Variants in SCFD2 observed in about 807,000 individuals in gnomAD.
The protein encoded by SCFD2 is sec1 family domain containing 2.
A neutral mutation model predicts 58.9 loss-of-function variants in SCFD2; 54 were observed. That is an observed-to-expected ratio of 0.92 (90% CI 0.74 to 1.15). SCFD2 has a LOEUF of 1.15. SCFD2 is among the 50% of genes most tolerant of loss of function. The probability of loss-of-function intolerance (pLI) is 0.00; values close to 1 mark genes in which losing one functional copy is unlikely to be tolerated. For missense variants in SCFD2, 805 were observed against 836.6 expected (o/e 0.96, Z 0.47); for synonymous variants, 321 against 335.9 (o/e 0.96, Z 0.49).
At chr4:53,249,646 A>G (rs1406938192) in intron 4 of SCFD2, among the ~76,000 whole-genome samples, 2 of 152,248 alleles carry the variant, frequency 1.3e-5, no homozygotes, top group South Asian at 2.1e-4. Flanking sequence ...GTGGGGGCCA[A>G]TAATCAACAT....
At chr4:53,163,266 G>T (rs1726908168) in intron 4 of SCFD2, among the ~76,000 whole-genome samples, 1 of 152,204 alleles carries the variant, frequency 6.6e-6, no homozygotes, top group Non-Finnish European at 1.5e-5. Flanking sequence ...AGGGCCCAAA[G>T]TCAAAATCAG....
At chr4:52,943,799 T>C (rs1265672320) in intron 5 of SCFD2, among the ~76,000 whole-genome samples, 6 of 152,188 alleles carry the variant, frequency 3.9e-5, no homozygotes, top group Admixed American at 3.9e-4. Flanking sequence ...GAGCTCACCA[T>C]GCAATGGCTC....
At chr4:53,301,452 T>G (rs1324192716) in intron 3 of SCFD2, among the ~76,000 whole-genome samples, 1 of 151,718 alleles carries the variant, frequency 6.6e-6, no homozygotes, top group Non-Finnish European at 1.5e-5. Flanking sequence ...ATTGAGGCAA[T>G]AATTAATAGC....
chr4:53,168,258 C>T (rs192334238), intron 4 of SCFD2, among the ~76,000 whole-genome samples: 4 of 152,260 alleles, frequency 2.6e-5, no homozygotes, highest in African/African-American at 9.6e-5. Flanking sequence ...ATTCAGGACC[C>T]CAAAGTGAGC....
intron 5 of SCFD2, among the ~76,000 whole-genome samples, chr4:52,994,009 C>G (rs1721684629): frequency 6.6e-6 from 1 of 152,220 alleles, no homozygotes; most frequent in Admixed American, 6.5e-5. Flanking sequence ...GAGGCTGGTC[C>G]CGCTCTAGAC....
chr4:53,140,392 A>AATATAT (rs1553880149), intron 5 of SCFD2, among the ~76,000 whole-genome samples: 3 of 97,496 alleles, frequency 3.1e-5, no homozygotes, highest in African/African-American at 1.3e-4. Context: ...CAAAAATGCT[A>AATATAT]ATATATATAT....
At chr4:52,887,827 C>T (rs1273441203) in intron 7 of SCFD2, among the ~76,000 whole-genome samples, 4 of 152,096 alleles carry the variant, frequency 2.6e-5, no homozygotes, top group African/African-American at 9.7e-5. Context: ...CTTACCATCC[C>T]CCAACTCCTT....
intron 3 of SCFD2, among the ~76,000 whole-genome samples, chr4:53,309,522 T>C (rs542654773): frequency 6.6e-6 from 1 of 152,096 alleles, no homozygotes; most frequent in Non-Finnish European, 1.5e-5. Context: ...CAAGGGGATG[T>C]TGGCGGTGCA....
At chr4:53,301,638 G>A (rs1229283898) in intron 3 of SCFD2, among the ~76,000 whole-genome samples, 2 of 152,090 alleles carry the variant, frequency 1.3e-5, no homozygotes, top group African/African-American at 4.8e-5. Context: ...GCCTGGCAGA[G>A]ACACAACAAA....
At chr4:53,211,357 C>T (rs1175012064) in intron 4 of SCFD2, among the ~76,000 whole-genome samples, 1 of 152,092 alleles carries the variant, frequency 6.6e-6, no homozygotes, top group African/African-American at 2.4e-5. Context: ...ATTCCCCTTC[C>T]CCCATACCTT....
At chr4:53,265,554 G>A (rs1730959004) in intron 4 of SCFD2, 2 of 152,040 alleles carry the variant, frequency 1.3e-5, no homozygotes, top group Non-Finnish European at 2.9e-5. Flanking sequence ...TATATGTGCT[G>A]CCAAAGAGAG....
intron 5 of SCFD2, among the ~76,000 whole-genome samples, chr4:52,982,793 C>A (rs1406082003): frequency 6.6e-6 from 1 of 152,108 alleles, no homozygotes; most frequent in African/African-American, 2.4e-5. Context: ...ACTCAGCAGA[C>A]CTTTAAGTTT....
chr4:53,029,266 G>A (rs1488626400), intron 5 of SCFD2, among the ~76,000 whole-genome samples: 14 of 152,080 alleles, frequency 9.2e-5, no homozygotes, highest in Admixed American at 9.2e-4. Context: ...ACAAAGGTGT[G>A]CAAAAATTGC....
intron 5 of SCFD2, among the ~76,000 whole-genome samples, chr4:52,937,470 C>A (rs533778367): frequency 7.7e-4 from 117 of 152,204 alleles, no homozygotes; most frequent in Non-Finnish European, 1.5e-3. Flanking sequence ...AGGAGAGAAG[C>A]AGACCATCTG....
intron 3 of SCFD2, among the ~76,000 whole-genome samples, chr4:53,311,820 G>T (rs1262078208): frequency 6.6e-6 from 1 of 151,954 alleles, no homozygotes; most frequent in East Asian, 1.9e-4. Flanking sequence ...ATTTTTAGTA[G>T]AGACAGGGTT....
In SCFD2 at chr4:53,366,034, G is replaced by A; in HGVS notation, c.-93C>T. 1 of 1,419,744 alleles carries A rather than the reference G, an allele frequency of 7.0e-7. No individual in the cohort carries two copies. Among genetic ancestry groups the A allele is most frequent in the South Asian group, 1.4e-5 (1 of 72,420 alleles). The allele number at this position is 1,419,744 out of a possible 1,614,324, so 87.9% of individuals were successfully genotyped here. A position where few individuals can be genotyped will look rare whatever the true frequency, so the allele number is the denominator to read the frequency against. Reference sequence around the variant, plus strand: ...AATTGGGCTCCGGGAGACTTTGACAGTCTCCACAGTACACGTGGTCGGCCT... The same window carrying A: ...AATTGGGCTCCGGGAGACTTTGACAATCTCCACAGTACACGTGGTCGGCCT... On this transcript the variant is annotated 5_prime_UTR_variant, in exon 1 of 9. Transcript: ENST00000401642.
chr4:53,301,093 T>G (rs1293258293), intron 3 of SCFD2, among the ~76,000 whole-genome samples: 2 of 151,872 alleles, frequency 1.3e-5, no homozygotes, highest in African/African-American at 4.8e-5. Context: ...AAGAAATAAC[T>G]AAGATCAGAG....
chr4:53,263,290 G>A (rs760980877), intron 4 of SCFD2, among the ~76,000 whole-genome samples: 2 of 152,090 alleles, frequency 1.3e-5, no homozygotes, highest in Non-Finnish European at 2.9e-5. Context: ...TTGCTGGTAA[G>A]CTAATGTGAT....
chr4:53,234,224 C>T (rs1197885995), intron 4 of SCFD2, among the ~76,000 whole-genome samples: 1 of 152,150 alleles, frequency 6.6e-6, no homozygotes, highest in Non-Finnish European at 1.5e-5. Flanking sequence ...TAGCAGACAG[C>T]ATGTGCTCAA....
Sources: gnomAD v4.1 joint callset for allele counts (sites outside exome capture counted in the v4.1 genomes callset) on GRCh38, gnomAD v4.1.1 for gene constraint, MANE v1.5 for transcripts, NCBI Gene and HGNC (gene_info 2026-07-23, HGNC 2026-07-21) for gene names.